Variants in SYNE2 observed in about 807,000 individuals in gnomAD.
SYNE2 encodes spectrin repeat containing nuclear envelope protein 2, also known as nesprin-2.
A neutral mutation model predicts 856.3 loss-of-function variants in SYNE2; 431 were observed. That is an observed-to-expected ratio of 0.50 (90% CI 0.47 to 0.55). SYNE2 has a LOEUF of 0.55. Among genes scored for constraint, SYNE2 ranks in the 20% least tolerant of loss-of-function variants. The pLI, the probability that SYNE2 is intolerant of heterozygous loss-of-function variation, is 0.00. For missense variants in SYNE2, 8,129 were observed against 8,023.2 expected (o/e 1.01, Z -0.50); for synonymous variants, 2,923 against 2,872.3 (o/e 1.02, Z -0.56).
intron 74 of SYNE2, 75 bp from the exon 75 acceptor site, chr14:64,129,707 A>G (rs946355649): frequency 6.3e-7 from 1 of 1,599,680 alleles, no homozygotes; most frequent in Non-Finnish European, 8.5e-7. Context: ...GTACTATTTA[A>G]TTCTTTTTAG....
chr14:64,122,423 C>G lies in SYNE2; in HGVS notation c.13418C>G (p.Pro4473Arg). Residue 4473 changes from proline (P) to arginine (R), a missense_variant, in exon 70 of 116, where the codon CCT (proline) becomes CGT (arginine). Pro to Arg is a moderately radical substitution (Grantham distance 103). This residue lies in a region of SYNE2 where 5,410 missense variants were observed against 5,284.8 expected (regional missense o/e 1.02). Coordinates refer to ENST00000555002, the MANE Select transcript of SYNE2 (RefSeq NM_182914.3). ...IKLPLPQLVE[P>R]QVSTNMGILP... Reference sequence around the variant, plus strand: ...CTCCCACTCCCTCAGCTTGTGGAGCCTCAGGTCAGTCTGTATCTACATGGT... The same window carrying G: ...CTCCCACTCCCTCAGCTTGTGGAGCGTCAGGTCAGTCTGTATCTACATGGT... The G allele has an allele frequency of 6.2e-7, 1 of 1,614,148 alleles. No individual in the cohort carries two copies. The highest frequency in any genetic ancestry group is 8.5e-7 in the Non-Finnish European group (1 of 1,180,032).
In SYNE2 at chr14:63,908,475, C is replaced by T. The variant is rs1054932631; in HGVS notation, c.-51-623C>T. Among the ~76,000 whole-genome samples the T allele has an allele frequency of 9.2e-5, 14 of 151,670 alleles. No homozygotes were observed. In the East Asian group the frequency reaches 2.5e-3, roughly 27 times the overall value. ...AGAGGTATGAAGTAAAAACTGCTCTCACTGGAAGGATTCTTTAAGAATCAA... is the reference window on the plus strand; with the variant it reads ...AGAGGTATGAAGTAAAAACTGCTCTTACTGGAAGGATTCTTTAAGAATCAA... On this transcript the variant is annotated intron_variant, in intron 1 of 115. Coordinates refer to ENST00000555002, the MANE Select transcript of SYNE2 (RefSeq NM_182914.3).
chr14:64,209,856 G>T (rs969779119), intron 102 of SYNE2, 86 bp from the exon 103 acceptor site: 1 of 1,576,890 alleles, frequency 6.3e-7, no homozygotes. Flanking sequence ...TGAACCCCTG[G>T]CAGCAGGTCG....
At chr14:64,033,155 A>C (rs2097055246) in intron 45 of SYNE2, among the ~76,000 whole-genome samples, 1 of 152,142 alleles carries the variant, frequency 6.6e-6, no homozygotes, top group South Asian at 2.1e-4. Flanking sequence ...GCAATAGCAC[A>C]ACACCTTGGT....
intron 1 of SYNE2, among the ~76,000 whole-genome samples, chr14:63,807,852 T>TATATATATATAA (rs981923334): frequency 9.6e-6 from 1 of 104,248 alleles, no homozygotes; most frequent in African/African-American, 3.5e-5. Flanking sequence ...TATATATATA[T>TATATATATATAA]ATATATATAT....
In SYNE2 at chr14:64,003,027, G is replaced by A; in HGVS notation, c.4094G>A (p.Gly1365Glu). ...ACGTTGACAGTAAAAAATAAAGAGG[G>A]AGAAATTCATCTGATGAAAGACAAG... ...ENTLTVKNKE[G>E]EIHLMKDKAK... The change falls in exon 30 of 116, where the codon GGA becomes GAA. Residue 1365 changes from glycine (G) to glutamate (E), a missense_variant. By Grantham distance (98) the Gly-to-Glu change is moderately conservative (BLOSUM62 -2). Transcript: ENST00000555002. The A allele has an allele frequency of 1.2e-6, 2 of 1,614,082 alleles. No homozygotes were observed. Among genetic ancestry groups the A allele is most frequent in the Non-Finnish European group, 1.7e-6 (2 of 1,180,010 alleles).
chr14:63,890,359 G>C (rs1237763811), intron 1 of SYNE2, among the ~76,000 whole-genome samples: 2 of 152,106 alleles, frequency 1.3e-5, no homozygotes, highest in East Asian at 1.9e-4. Context: ...TACTGCGCTC[G>C]GCTATTAAGG....
intron 1 of SYNE2, among the ~76,000 whole-genome samples, chr14:63,817,862 A>G (rs1889056683): frequency 6.6e-6 from 1 of 151,496 alleles, no homozygotes; most frequent in Admixed American, 6.6e-5. Flanking sequence ...TGTCTCTAGA[A>G]ACAAATTAAA....
chr14:64,010,159 C>T, intron 32 of SYNE2, 43 bp downstream of exon 32: 1 of 1,574,524 alleles, frequency 6.4e-7, no homozygotes, highest in Non-Finnish European at 8.7e-7. Context: ...AGTGACCTCA[C>T]TGACAGGCCT....
chr14:64,181,026 T>G (rs1449607615), intron 96 of SYNE2, among the ~76,000 whole-genome samples: 6 of 152,228 alleles, frequency 3.9e-5, no homozygotes, highest in Non-Finnish European at 7.3e-5. Context: ...TGTATTTTTT[T>G]GGGTGTCTAT....
rs1250632480 is a variant in SYNE2 at position 64,163,721 on chromosome 14, C to T, written c.16479+140C>T. 1.1e-5 allele frequency: 10 copies of T among 900,572 alleles called. 1 individual carries two copies. The Admixed American group carries it at 1.2e-4, about 11-fold the overall frequency. 55.8% of individuals were successfully genotyped at this position (900,572 alleles called of 1,614,324 possible). A position where few individuals can be genotyped will look rare whatever the true frequency, so the allele number is the denominator to read the frequency against. On this transcript the variant is annotated intron_variant, in intron 89 of 115. Transcript: ENST00000555002. ...GACTGAAGCTGCTCCCAAATGTATA[C>T]GATTCTAGCTTCAATCACATGGGCA...
intron 76 of SYNE2, 106 bp from the exon 77 acceptor site, chr14:64,132,159 A>G: frequency 1.5e-6 from 2 of 1,357,918 alleles, no homozygotes; most frequent in South Asian, 2.5e-5. Context: ...ATGTCCTGGG[A>G]TTTTGGATTT....
At chr14:63,947,778 G>A (rs972105003) in intron 6 of SYNE2, among the ~76,000 whole-genome samples, 6 of 152,022 alleles carry the variant, frequency 3.9e-5, no homozygotes, top group East Asian at 3.9e-4. Flanking sequence ...CGGAGGTTGC[G>A]GTGAGCCGAG....
chr14:64,221,337 C>G (rs997239553), intron 111 of SYNE2, among the ~76,000 whole-genome samples: 4 of 152,182 alleles, frequency 2.6e-5, no homozygotes, highest in Admixed American at 2.0e-4. Flanking sequence ...ATCCCAAAGC[C>G]CTACCTTCAT....
intron 48 of SYNE2, among the ~76,000 whole-genome samples, chr14:64,054,784 CAT>C (rs2097256169): frequency 1.3e-5 from 2 of 152,146 alleles, no homozygotes; most frequent in African/African-American, 4.8e-5. Flanking sequence ...TAATGCCATA[CAT>C]AGTGTTTTCA....
intron 7 of SYNE2, among the ~76,000 whole-genome samples, chr14:63,953,199 T>C (rs543814599): frequency 6.6e-6 from 1 of 152,314 alleles, no homozygotes; most frequent in East Asian, 1.9e-4. Context: ...GGAAGGACTT[T>C]TTTTATGGTC....
intron 99 of SYNE2, chr14:64,190,523 G>T: frequency 1.0e-5 from 7 of 675,182 alleles, no homozygotes; most frequent in South Asian, 9.7e-5. Flanking sequence ...TTGGGAGGGG[G>T]TATTGTTTAG....
rs1390952843 is a variant in SYNE2 at position 63,899,251 on chromosome 14, G to C, written c.-51-9847G>C. Among the ~76,000 whole-genome samples, 4 of 151,992 alleles carry C rather than the reference G, an allele frequency of 2.6e-5. No individual in the cohort carries two copies. In the East Asian group the frequency reaches 7.7e-4, roughly 29 times the overall value. On this transcript the variant is annotated intron_variant, in intron 1 of 115. Transcript: ENST00000555002. ...GTGTCTTGCTCCGTGTGTGTAAGTG[G>C]AGTGCAGTGTCACGATCTCAGCTTA...
intron 96 of SYNE2, among the ~76,000 whole-genome samples, chr14:64,180,205 T>C (rs2098451732): frequency 6.6e-6 from 1 of 152,232 alleles, no homozygotes; most frequent in African/African-American, 2.4e-5. Flanking sequence ...TATGTCAGCT[T>C]TAATATCAAA....
Sources: gnomAD v4.1 joint callset for allele counts (sites outside exome capture counted in the v4.1 genomes callset) on GRCh38, gnomAD v4.1.1 for gene constraint, gnomAD v4.1.1 regional missense constraint, MANE v1.5 for transcripts, NCBI Gene and HGNC (gene_info 2026-07-23, HGNC 2026-07-21) for gene names.